Variants in PCDHA3 observed in about 807,000 individuals in gnomAD.
The protein encoded by PCDHA3 is protocadherin alpha 3.
PCDHA3 carries 41 observed loss-of-function variants against 62.2 expected under a neutral mutation model. The ratio of observed to expected loss-of-function variants is 0.66; its 90% CI spans 0.51 to 0.86. The LOEUF is 0.86. Ranked by LOEUF, PCDHA3 falls within the 40% of genes least tolerant of loss-of-function variation. The probability of loss-of-function intolerance (pLI) is 0.00; values close to 1 mark genes in which losing one functional copy is unlikely to be tolerated. For synonymous variants in PCDHA3, 640 were observed against 555.4 expected (o/e 1.15, Z -2.14); for missense variants, 1,304 against 1,241.2 (o/e 1.05, Z -0.76).
chr5:140,943,632 G>A (rs1351799858), intron 1 of PCDHA3, among the ~76,000 whole-genome samples: 1 of 152,098 alleles, frequency 6.6e-6, no homozygotes, highest in Non-Finnish European at 1.5e-5. Flanking sequence ...AAGGAAGCTG[G>A]ATTATGGATA....
At chr5:140,918,510 A>G (rs1224635164) in intron 1 of PCDHA3, among the ~76,000 whole-genome samples, 1 of 152,144 alleles carries the variant, frequency 6.6e-6, no homozygotes, top group Non-Finnish European at 1.5e-5. Flanking sequence ...ATCCTTTTAA[A>G]CTTATTGAGG....
chr5:140,858,506 A>C (rs1581511575), intron 1 of PCDHA3: 1 of 1,447,272 alleles, frequency 6.9e-7, no homozygotes, highest in Non-Finnish European at 9.5e-7. Context: ...CATTTTCTCA[A>C]ATATGTATCA....
chr5:140,891,123 T>G (rs2153433075), intron 1 of PCDHA3, among the ~76,000 whole-genome samples: 1 of 152,342 alleles, frequency 6.6e-6, no homozygotes, highest in East Asian at 1.9e-4. Context: ...AATCTAAATG[T>G]CATTCCTTTA....
chr5:140,970,471 G>T (rs773565871), intron 1 of PCDHA3, among the ~76,000 whole-genome samples: 1 of 152,142 alleles, frequency 6.6e-6, no homozygotes, highest in African/African-American at 2.4e-5. Context: ...TAGGTATAAG[G>T]CCAGCTTGTT....
At chr5:140,908,602 G>T (rs542051868) in intron 1 of PCDHA3, among the ~76,000 whole-genome samples, 67 of 152,202 alleles carry the variant, frequency 4.4e-4, no homozygotes, top group African/African-American at 1.3e-3. Context: ...AAGATGGAAG[G>T]GCCTTGCTCC....
intron 1 of PCDHA3, chr5:140,928,383 G>T (rs1474490422): frequency 2.5e-6 from 4 of 1,613,920 alleles, no homozygotes; most frequent in South Asian, 1.1e-5. Context: ...CCTCTAGCTT[G>T]CTGGCAGTGG....
In PCDHA3 at chr5:140,807,453, G is replaced by T. The variant is rs1223020779; in HGVS notation, c.2394+3862G>T. 6.2e-7 allele frequency: 1 copy of T among 1,607,486 alleles called. No individual in the cohort carries two copies. Among genetic ancestry groups the T allele is most frequent in the East Asian group, 2.2e-5 (1 of 44,674 alleles). On this transcript the variant is annotated intron_variant, in intron 1 of 3. Coordinates refer to ENST00000522353, the MANE Select transcript of PCDHA3 (RefSeq NM_018906.3). ...AATGGCATTTTGTTTGTGAATTCTC[G>T]GATCGACCGGGAGGAGCTGTGCCGG... is the stretch of plus-strand genomic sequence containing the variant.
chr5:140,920,858 A>AG (rs2079893810), intron 1 of PCDHA3, among the ~76,000 whole-genome samples: 1 of 151,604 alleles, frequency 6.6e-6, no homozygotes, highest in African/African-American at 2.4e-5. Context: ...AAAAAAAAAA[A>AG]CAAACAAACT....
At chr5:140,967,425 C>T in intron 1 of PCDHA3, 1 of 1,613,294 alleles carries the variant, frequency 6.2e-7, no homozygotes, top group Non-Finnish European at 8.5e-7. Flanking sequence ...CGGGAGCAGG[C>T]AGCCTTGCAC....
At chr5:140,877,304 T>C in intron 1 of PCDHA3, 3 of 1,613,926 alleles carry the variant, frequency 1.9e-6, no homozygotes, top group Non-Finnish European at 2.5e-6. Context: ...TCCTACGAGT[T>C]GCAACCGGCG....
At chr5:140,936,662 CT>C (rs1337986057) in intron 1 of PCDHA3, among the ~76,000 whole-genome samples, 1 of 152,178 alleles carries the variant, frequency 6.6e-6, no homozygotes, top group Non-Finnish European at 1.5e-5. Context: ...TATTCTGTTT[CT>C]GGACTGTCTA....
intron 3 of PCDHA3, among the ~76,000 whole-genome samples, chr5:141,003,475 G>A (rs934289848): frequency 2.0e-5 from 3 of 151,932 alleles, no homozygotes; most frequent in Non-Finnish European, 2.9e-5. Flanking sequence ...CCACAGTCTC[G>A]CTAATTTTTA....
intron 3 of PCDHA3, among the ~76,000 whole-genome samples, chr5:140,985,081 G>C (rs1028077723): frequency 1.3e-5 from 2 of 152,088 alleles, no homozygotes; most frequent in African/African-American, 4.8e-5. Flanking sequence ...GAGACTACAG[G>C]CGTGTGCCAC....
At chr5:140,895,880 C>T (rs564030159) in intron 1 of PCDHA3, among the ~76,000 whole-genome samples, 4 of 152,240 alleles carry the variant, frequency 2.6e-5, no homozygotes, top group East Asian at 3.9e-4. Flanking sequence ...GGCGCGATCT[C>T]GGCTCACTGC....
chr5:141,006,233 A>G (rs1311441986), intron 3 of PCDHA3, among the ~76,000 whole-genome samples: 2 of 151,044 alleles, frequency 1.3e-5, no homozygotes, highest in African/African-American at 4.9e-5. Flanking sequence ...TTATTTTTAG[A>G]TGGAGTCTTG....
intron 1 of PCDHA3, among the ~76,000 whole-genome samples, chr5:140,932,330 G>A (rs1339060592): frequency 6.6e-6 from 1 of 151,860 alleles, no homozygotes; most frequent in African/African-American, 2.4e-5. Context: ...TAGCAAAAAT[G>A]CATGAAACAC....
chr5:140,825,816 T>C (rs1372654901), intron 1 of PCDHA3: 1 of 152,478 alleles, frequency 6.6e-6, no homozygotes, highest in African/African-American at 2.4e-5. Flanking sequence ...TTGTTGTTAC[T>C]TTTAGATTAA....
intron 1 of PCDHA3, chr5:140,836,477 G>A: frequency 1.9e-6 from 3 of 1,613,846 alleles, no homozygotes; most frequent in South Asian, 1.1e-5. Flanking sequence ...ATGTCAACGT[G>A]TACCTGATCA....
intron 1 of PCDHA3, chr5:140,969,483 G>C (rs531496681): frequency 1.4e-6 from 2 of 1,462,372 alleles, no homozygotes; most frequent in African/African-American, 1.4e-5. Context: ...ATCATAATCT[G>C]CTATTTCCTC....
Sources: allele counts gnomAD v4.1 joint callset (sites outside exome capture counted in the v4.1 genomes callset), GRCh38; gene constraint gnomAD v4.1.1; transcripts MANE v1.5; gene names NCBI Gene and HGNC (gene_info 2026-07-23, HGNC 2026-07-21).